The following ITFG1 variants were observed in gnomAD, a reference collection of about 807,000 sequenced individuals.
ITFG1 encodes the protein T-cell immunomodulatory protein.
A neutral mutation model predicts 81.8 loss-of-function variants in ITFG1; 34 were observed. The observed-to-expected ratio is 0.42, with a 90% CI of 0.32 to 0.55. The LOEUF is 0.55. ITFG1 is among the 20% of genes least tolerant of loss of function. ITFG1 has a pLI of 0.17. For missense variants in ITFG1, 672 were observed against 755.4 expected (o/e 0.89, Z 1.29); for synonymous variants, 285 against 270.6 (o/e 1.05, Z -0.52).
At chr16:47,162,897 C>T (rs920913935) in intron 14 of ITFG1, 4 of 286,340 alleles carry the variant, frequency 1.4e-5, no homozygotes, top group African/African-American at 2.2e-5. Context: ...GAGCCTTGAC[C>T]TCTCAGGCTC....
chr16:47,455,620 G>A (rs1173356279), intron 2 of ITFG1, among the ~76,000 whole-genome samples: 2 of 151,002 alleles, frequency 1.3e-5, no homozygotes, highest in Non-Finnish European at 3.0e-5. Flanking sequence ...AATACAAAAA[G>A]TAGCCAGGCG....
At chr16:47,453,616 G>C (rs1426378652) in intron 3 of ITFG1, among the ~76,000 whole-genome samples, 1 of 152,214 alleles carries the variant, frequency 6.6e-6, no homozygotes, top group East Asian at 1.9e-4. Context: ...TTGCTAGTGA[G>C]AATCACTGCA....
Position 47,394,096 on chromosome 16 carries a change from C to T in ITFG1, c.656-18156G>A, listed in dbSNP as rs754918587. ...ACTGCAGAGCAGCAGGATTTAAGAACTTATTTAGTACAGATTCTACATGTT... is the reference window on the plus strand; with the variant it reads ...ACTGCAGAGCAGCAGGATTTAAGAATTTATTTAGTACAGATTCTACATGTT... On this transcript the variant is annotated intron_variant, in intron 6 of 17. Coordinates refer to ENST00000320640, the MANE Select transcript of ITFG1 (RefSeq NM_030790.5). 7.9e-5 allele frequency among the ~76,000 whole-genome samples: 12 copies of T among 152,140 alleles called. 1 individual carries two copies. The highest frequency in any genetic ancestry group is 2.4e-4 in the African/African-American group (10 of 41,436).
At chr16:47,248,132 A>G (rs961421445) in intron 12 of ITFG1, among the ~76,000 whole-genome samples, 1 of 152,240 alleles carries the variant, frequency 6.6e-6, no homozygotes, top group African/African-American at 2.4e-5. Flanking sequence ...ATGATAAACA[A>G]TAAATGTTAG....
chr16:47,335,503 A>G (rs1308381813), intron 8 of ITFG1, among the ~76,000 whole-genome samples: 1 of 152,222 alleles, frequency 6.6e-6, no homozygotes, highest in Non-Finnish European at 1.5e-5. Context: ...TTGTTTGAAG[A>G]ATATACAAAG....
rs142551092 is a variant in ITFG1, at chr16:47,373,527, C to T, written c.720+2349G>A. ...AACTCCTGACCTCAGATGATCTGGC[C>T]GCCTCAGCCTCCCAAAGTGATGGGA... On this transcript the variant is annotated intron_variant, in intron 7 of 17. Transcript: ENST00000320640. Among the ~76,000 whole-genome samples, 383 of 152,174 alleles carry T rather than the reference C, an allele frequency of 2.5e-3. 1 individual carries two copies. Among genetic ancestry groups the T allele is most frequent in the Non-Finnish European group, 3.9e-3 (267 of 67,988 alleles).
intron 12 of ITFG1, among the ~76,000 whole-genome samples, chr16:47,257,060 G>A (rs532458986): frequency 1.8e-4 from 28 of 152,122 alleles, no homozygotes; most frequent in Non-Finnish European, 3.2e-4. Context: ...ACTTAATGGC[G>A]AAAGCCAAAA....
At chr16:47,389,617 TG>T (rs1968506178) in intron 6 of ITFG1, among the ~76,000 whole-genome samples, 1 of 152,166 alleles carries the variant, frequency 6.6e-6, no homozygotes, top group African/African-American at 2.4e-5. Flanking sequence ...CAAAGTATGA[TG>T]GGTTTGTAAC....
intron 10 of ITFG1, among the ~76,000 whole-genome samples, chr16:47,261,407 A>C (rs1188118936): frequency 6.6e-6 from 1 of 152,206 alleles, no homozygotes; most frequent in Non-Finnish European, 1.5e-5. Context: ...ACTGCAAGGA[A>C]AGTTACTTAG....
At chr16:47,274,148 T>G (rs140046038) in intron 10 of ITFG1, among the ~76,000 whole-genome samples, 1,783 of 151,826 alleles carry the variant, frequency 0.012, 55 homozygotes, top group East Asian at 0.11. Context: ...TCCCAACTAC[T>G]CGGGAGGCTG....
rs1181150116 is a variant in ITFG1, at chr16:47,218,849, A to G, written c.1453+19T>C. 6 of 1,477,368 alleles carry G rather than the reference A, an allele frequency of 4.1e-6. No individual in the cohort carries two copies. In the South Asian group the frequency reaches 7.5e-5, roughly 19 times the overall value. The allele number at this position is 1,477,368 out of a possible 1,614,324, so 91.5% of individuals were successfully genotyped here. A position where few individuals can be genotyped will look rare whatever the true frequency, so the allele number is the denominator to read the frequency against. On this transcript the variant is annotated intron_variant, in intron 14 of 17. Coordinates refer to ENST00000320640, the MANE Select transcript of ITFG1 (RefSeq NM_030790.5). ...CTGAAGAAGCTTTTATACATTATGG[A>G]CAATGTATCTGGTCTTACCTGATCC...
intron 5 of ITFG1, among the ~76,000 whole-genome samples, chr16:47,444,355 G>A (rs1421703193): frequency 6.6e-6 from 1 of 152,164 alleles, no homozygotes; most frequent in Non-Finnish European, 1.5e-5. Context: ...GATAAAAGAT[G>A]TAATAGCTCT....
intron 12 of ITFG1, among the ~76,000 whole-genome samples, chr16:47,251,656 C>T (rs1410948189): frequency 6.6e-6 from 1 of 152,210 alleles, no homozygotes; most frequent in Non-Finnish European, 1.5e-5. Context: ...GGGACATGTT[C>T]CAAGAGCACC....
chr16:47,421,144 T>A (rs550843161), intron 6 of ITFG1, among the ~76,000 whole-genome samples: 1 of 151,978 alleles, frequency 6.6e-6, no homozygotes, highest in Non-Finnish European at 1.5e-5. Context: ...TTGTTACAGG[T>A]GAAGTGAGTG....
intron 6 of ITFG1, among the ~76,000 whole-genome samples, chr16:47,409,410 T>A (rs1389118404): frequency 8.1e-3 from 309 of 38,272 alleles, no homozygotes; most frequent in East Asian, 0.024. Flanking sequence ...ATATATTTTT[T>A]TTTTTTTTTT....
intron 8 of ITFG1, among the ~76,000 whole-genome samples, chr16:47,348,612 T>G (rs1967897298): frequency 1.3e-5 from 2 of 152,082 alleles, no homozygotes; most frequent in African/African-American, 2.4e-5. Context: ...ATAGGGAGAA[T>G]GGAACCAGGT....
In ITFG1 at chr16:47,375,868, T is replaced by A; in HGVS notation, c.720+8A>T. On this transcript the variant is annotated splice_region_variant and intron_variant, in intron 7 of 17. Coordinates refer to ENST00000320640, the MANE Select transcript of ITFG1 (RefSeq NM_030790.5). ...ATTTTAAAATGCTTCAAGGAAAAGATTTCTTACCAAATTTTCCCATATTTC... is the reference window on the plus strand; with the variant it reads ...ATTTTAAAATGCTTCAAGGAAAAGAATTCTTACCAAATTTTCCCATATTTC... The A allele has an allele frequency of 6.4e-7, 1 of 1,554,892 alleles. No homozygotes were observed. Among genetic ancestry groups the A allele is most frequent in the East Asian group, 2.2e-5 (1 of 44,506 alleles).
intron 8 of ITFG1, among the ~76,000 whole-genome samples, chr16:47,341,538 A>G (rs1448554027): frequency 1.3e-5 from 2 of 151,948 alleles, no homozygotes; most frequent in Admixed American, 6.5e-5. Flanking sequence ...AAGAAAAAAG[A>G]TCTCAAATCA....
chr16:47,208,797 G>A (rs1965531096), intron 14 of ITFG1, among the ~76,000 whole-genome samples: 1 of 152,112 alleles, frequency 6.6e-6, no homozygotes, highest in African/African-American at 2.4e-5. Context: ...TTTGTTATTA[G>A]GTTTAATCAG....
Sources: gnomAD v4.1 joint callset for allele counts (sites outside exome capture counted in the v4.1 genomes callset) on GRCh38, gnomAD v4.1.1 for gene constraint, MANE v1.5 for transcripts, NCBI Gene and HGNC (gene_info 2026-07-23, HGNC 2026-07-21) for gene names.